Variants in ANKRD45 observed in about 807,000 individuals in gnomAD.
The protein encoded by ANKRD45 is ankyrin repeat domain 45, also known as ankyrin repeat domain-containing protein 45.
In ANKRD45, 21 loss-of-function variants were observed where a neutral mutation model predicts 28.1. That is an observed-to-expected ratio of 0.75 (90% CI 0.53 to 1.08). ANKRD45 has a LOEUF of 1.08. ANKRD45 is among the 50% of genes least tolerant of loss of function. ANKRD45 has a pLI of 0.00. For missense variants in ANKRD45, 261 were observed against 308.7 expected (o/e 0.85, Z 1.16); for synonymous variants, 86 against 103.9 (o/e 0.83, Z 1.05).
At chr1:173,614,559 C>T (rs1021213499) in intron 5 of ANKRD45, among the ~76,000 whole-genome samples, 1 of 151,952 alleles carries the variant, frequency 6.6e-6, no homozygotes, top group African/African-American at 2.4e-5. Context: ...TATTGGACAG[C>T]CACTTTCATA....
chr1:173,639,852 A>G (rs1269829042), intron 3 of ANKRD45, among the ~76,000 whole-genome samples: 4 of 152,244 alleles, frequency 2.6e-5, no homozygotes, highest in African/African-American at 9.6e-5. Context: ...TTGAGAATAT[A>G]GTGCCCAAAT....
At chr1:173,689,317 AGGGTTCGG>A in the ANKRD45 span, among the ~76,000 whole-genome samples, 1 of 152,130 alleles carries the variant, frequency 6.6e-6, no homozygotes, top group African/African-American at 2.4e-5. Context: ...CATTTAAAAG[AGGGTTCGG>A]ACCCTTTATA....
the ANKRD45 span, among the ~76,000 whole-genome samples, chr1:173,702,083 G>A: frequency 1.3e-5 from 2 of 152,214 alleles, no homozygotes; most frequent in Non-Finnish European, 2.9e-5. Flanking sequence ...AAAGTGTATG[G>A]TTGGGGCAGA....
chr1:173,648,969 G>A (rs1310257362), intron 2 of ANKRD45, among the ~76,000 whole-genome samples: 3 of 152,160 alleles, frequency 2.0e-5, no homozygotes, highest in Admixed American at 1.3e-4. Context: ...TAGTCTGGCT[G>A]TAAAATCCAT....
At chr1:173,709,538 C>T in the ANKRD45 span, among the ~76,000 whole-genome samples, 4 of 152,132 alleles carry the variant, frequency 2.6e-5, no homozygotes, top group African/African-American at 9.7e-5. Flanking sequence ...GGCATGAACA[C>T]CAAGAGGCAT....
the ANKRD45 span, among the ~76,000 whole-genome samples, chr1:173,712,840 T>C: frequency 6.6e-6 from 1 of 152,224 alleles, no homozygotes; most frequent in Non-Finnish European, 1.5e-5. Context: ...TACCATGCAC[T>C]ATAATCACCT....
At chr1:173,636,725 T>C (rs1668461036) in intron 3 of ANKRD45, 1 of 840,200 alleles carries the variant, frequency 1.2e-6, no homozygotes. Flanking sequence ...TGTTTACATA[T>C]TTAGAACATA....
At chr1:173,651,628 G>A (rs1182124441) in intron 2 of ANKRD45, among the ~76,000 whole-genome samples, 2 of 152,152 alleles carry the variant, frequency 1.3e-5, no homozygotes, top group East Asian at 1.9e-4. Context: ...CCAATTGTGT[G>A]AAGAAAGTCA....
chr1:173,699,172 A>C, the ANKRD45 span, among the ~76,000 whole-genome samples: 2 of 152,342 alleles, frequency 1.3e-5, no homozygotes, highest in African/African-American at 4.8e-5. Flanking sequence ...AAATTGTGGC[A>C]ATAATTAATA....
At position 173,609,611 on chromosome 1, in the gene ANKRD45, G is replaced by C. The variant is rs180905317; in HGVS notation, c.*534C>G. 6.5e-6 allele frequency: 1 copy of C among 152,674 alleles called. No individual in the cohort carries two copies. Among genetic ancestry groups the C allele is most frequent in the Non-Finnish European group, 1.5e-5 (1 of 68,476 alleles). The allele number at this position is 152,674 out of a possible 1,614,324, so 9.5% of individuals were successfully genotyped here. On this transcript the variant is annotated 3_prime_UTR_variant, in exon 6 of 6. Coordinates refer to ENST00000333279, the MANE Select transcript of ANKRD45 (RefSeq NM_198493.3). The stretch of plus-strand genomic sequence containing the variant: ...GTTTATTAATTTACAGATAGAAGGA[G>C]GTCAAAGATAAAGAGGGGTTTTACT...
intron 2 of ANKRD45, among the ~76,000 whole-genome samples, chr1:173,649,761 T>G (rs965358240): frequency 1.3e-5 from 2 of 152,188 alleles, no homozygotes; most frequent in African/African-American, 2.4e-5. Context: ...GTTTAAAATA[T>G]TTTGCTTTAC....
chr1:173,654,086 C>A (rs552890724), intron 2 of ANKRD45, among the ~76,000 whole-genome samples: 7 of 150,836 alleles, frequency 4.6e-5, no homozygotes, highest in Admixed American at 4.0e-4. Context: ...CTTTTAATTG[C>A]GGCATTTACA....
At position 173,663,259 on chromosome 1, in the gene ANKRD45, G is replaced by A. The variant is rs74720164; in HGVS notation, c.-15-3826C>T. Among the ~76,000 whole-genome samples, 476 of 152,230 alleles carry A rather than the reference G, an allele frequency of 3.1e-3. 17 individuals carry two copies. The East Asian group carries it at 0.07, about 22-fold the overall frequency. ...CAGCCCATCAGGGGATCTATCCTGC[G>A]ATCTTGAATCTTGAACAAGGGACAC... On this transcript the variant is annotated intron_variant, in intron 1 of 5. Transcript: ENST00000333279.
the ANKRD45 span, among the ~76,000 whole-genome samples, chr1:173,700,460 G>C: frequency 1.3e-5 from 2 of 152,142 alleles, no homozygotes; most frequent in Non-Finnish European, 1.5e-5. Context: ...CATGGGACTG[G>C]TACCAAAACA....
At chr1:173,660,420 T>C (rs932335097) in intron 1 of ANKRD45, among the ~76,000 whole-genome samples, 1 of 152,104 alleles carries the variant, frequency 6.6e-6, no homozygotes, top group African/African-American at 2.4e-5. Flanking sequence ...TTAAAAGAAA[T>C]AAATTACAAT....
At chr1:173,656,256 C>T (rs777094712) in intron 2 of ANKRD45, among the ~76,000 whole-genome samples, 3 of 152,172 alleles carry the variant, frequency 2.0e-5, no homozygotes, top group Non-Finnish European at 2.9e-5. Flanking sequence ...ATGTCTTAAA[C>T]CATTCTTTTG....
At chr1:173,650,086 C>T (rs1375773758) in intron 2 of ANKRD45, among the ~76,000 whole-genome samples, 1 of 152,028 alleles carries the variant, frequency 6.6e-6, no homozygotes, top group Non-Finnish European at 1.5e-5. Flanking sequence ...ATACTTTTTG[C>T]CATAAATGTC....
chr1:173,670,936 A>G (rs748339712), upstream of ANKRD45, among the ~76,000 whole-genome samples: 1 of 152,198 alleles, frequency 6.6e-6, no homozygotes, highest in Non-Finnish European at 1.5e-5. Context: ...ACGGTCTTGC[A>G]AGATCGGGTG....
At chr1:173,641,482 C>T (rs931283773) in intron 3 of ANKRD45, among the ~76,000 whole-genome samples, 2 of 152,234 alleles carry the variant, frequency 1.3e-5, no homozygotes, top group Admixed American at 1.3e-4. Flanking sequence ...TCCTGCCTCT[C>T]ATGGCAAGGG....
Sources: gnomAD v4.1 joint callset for allele counts (sites outside exome capture counted in the v4.1 genomes callset) on GRCh38, gnomAD v4.1.1 for gene constraint, MANE v1.5 for transcripts, NCBI Gene and HGNC (gene_info 2026-07-23, HGNC 2026-07-21) for gene names.